RICTOR: variants seen among roughly 807,000 people sequenced by gnomAD.
RICTOR encodes RPTOR independent companion of MTOR complex 2, also known as rapamycin-insensitive companion of mTOR.
Under a neutral mutation model 214.9 loss-of-function variants are expected in RICTOR, and 49 were observed. The ratio of observed to expected loss-of-function variants is 0.23; its 90% CI spans 0.18 to 0.29. The LOEUF (loss-of-function observed/expected upper bound fraction) is 0.29, where lower values mean the gene tolerates loss of function less well. RICTOR is among the 10% of genes least tolerant of loss of function. The pLI, the probability that RICTOR is intolerant of heterozygous loss-of-function variation, is 1.00. For synonymous variants in RICTOR, 717 were observed against 711.3 expected (o/e 1.01, Z -0.13); for missense variants, 1,625 against 2,047.0 (o/e 0.79, Z 3.98).
intron 3 of RICTOR, among the ~76,000 whole-genome samples, chr5:39,012,042 C>A (rs1278342047): frequency 2.6e-5 from 4 of 152,040 alleles, no homozygotes; most frequent in Admixed American, 1.3e-4. Flanking sequence ...GTGTTCCCAC[C>A]CAAATCTCAC....
chr5:39,012,633 T>C (rs1199860356), intron 3 of RICTOR, among the ~76,000 whole-genome samples: 1 of 152,220 alleles, frequency 6.6e-6, no homozygotes, highest in African/African-American at 2.4e-5. Context: ...CCTGTATTAA[T>C]GTAAGTCATT....
At position 38,947,272 on chromosome 5, in the gene RICTOR, T is replaced by C. The variant is rs774828906; in HGVS notation, c.4306A>G (p.Ile1436Val). ...GLALPVDIND[I>V]FQVKDIPYFQ... Reference sequence around the variant, plus strand: ...AAAATGTATGATAATACCTGGAATATATCATTTATATCCACCGGGAGAGCA... The same window carrying C: ...AAAATGTATGATAATACCTGGAATACATCATTTATATCCACCGGGAGAGCA... The change falls in exon 32 of 38, where the codon ATA (isoleucine) becomes GTA (valine). Residue 1436 changes from isoleucine (I) to valine (V), a missense_variant. Transcript: ENST00000357387. 4 of 1,607,004 alleles carry C rather than the reference T, an allele frequency of 2.5e-6. No individual in the cohort carries two copies. The highest frequency in any genetic ancestry group is 1.1e-5 in the South Asian group (1 of 90,720).
chr5:39,056,043 G>A (rs1758184411), intron 2 of RICTOR, among the ~76,000 whole-genome samples: 1 of 152,188 alleles, frequency 6.6e-6, no homozygotes. Context: ...AAGATTTTTA[G>A]AATAATGAGA....
At chr5:39,056,895 C>G (rs1758240716) in intron 2 of RICTOR, among the ~76,000 whole-genome samples, 1 of 152,138 alleles carries the variant, frequency 6.6e-6, no homozygotes, top group Non-Finnish European at 1.5e-5. Context: ...CACAGTGAAT[C>G]AGGAGACAGT....
At chr5:38,951,831 T>C (rs1393250605) in intron 30 of RICTOR, among the ~76,000 whole-genome samples, 2 of 151,946 alleles carry the variant, frequency 1.3e-5, no homozygotes, top group African/African-American at 4.8e-5. Flanking sequence ...ATATTCTGGC[T>C]CAACAATCTC....
intron 2 of RICTOR, among the ~76,000 whole-genome samples, chr5:39,061,171 TAAG>T (rs1160628579): frequency 6.6e-6 from 1 of 152,100 alleles, no homozygotes; most frequent in Non-Finnish European, 1.5e-5. Context: ...GGCCTGTGTA[TAAG>T]AAGAGAAGGG....
intron 6 of RICTOR, among the ~76,000 whole-genome samples, chr5:38,995,870 T>C (rs901688524): frequency 6.6e-6 from 1 of 152,222 alleles, no homozygotes; most frequent in African/African-American, 2.4e-5. Context: ...TCTCCTAATC[T>C]ATTTCCGGTA....
At chr5:39,001,679 T>C (rs1324947551) in intron 5 of RICTOR, among the ~76,000 whole-genome samples, 1 of 151,902 alleles carries the variant, frequency 6.6e-6, no homozygotes, top group Non-Finnish European at 1.5e-5. Flanking sequence ...CATCAAGAAT[T>C]CCTACATAAC....
At position 39,051,414 on chromosome 5, in the gene RICTOR, T is replaced by C. The variant is rs1180237864; in HGVS notation, c.97+22697A>G. ...TAAAAAAAGTTAGACTCAGAAAACTTAACAGCACATCTGGTATTTGCTTGC... is the reference window on the plus strand; with the variant it reads ...TAAAAAAAGTTAGACTCAGAAAACTCAACAGCACATCTGGTATTTGCTTGC... On this transcript the variant is annotated intron_variant, in intron 2 of 37. Coordinates refer to ENST00000357387, the MANE Select transcript of RICTOR (RefSeq NM_152756.5). Among the ~76,000 whole-genome samples, 9 of 152,216 alleles carry C rather than the reference T, an allele frequency of 5.9e-5. No homozygotes were observed. The South Asian group carries it at 1.7e-3, about 28-fold the overall frequency.
intron 9 of RICTOR, among the ~76,000 whole-genome samples, chr5:38,976,782 T>A (rs1290814786): frequency 6.6e-6 from 1 of 152,026 alleles, no homozygotes; most frequent in Non-Finnish European, 1.5e-5. Flanking sequence ...CAGAACCAAA[T>A]AGGAAAGATT....
chr5:39,025,834 A>G (rs1410506500), intron 2 of RICTOR, among the ~76,000 whole-genome samples: 2 of 152,176 alleles, frequency 1.3e-5, no homozygotes, highest in Non-Finnish European at 2.9e-5. Context: ...ATTTTGACAT[A>G]TTAATTTTTG....
Position 38,978,598 on chromosome 5 carries a change from G to T in RICTOR, c.806C>A (p.Ala269Asp). Residue 269 changes from alanine to aspartate, a missense_variant, in exon 9 of 38, where the codon GCT (alanine) becomes GAT (aspartate). By Grantham distance (126) the Ala-to-Asp change is moderately radical. Around this residue, in one of 5 missense-constraint regions of RICTOR, gnomAD observed 258 missense variants for 393.7 expected, o/e 0.66. Transcript: ENST00000357387. The stretch of plus-strand genomic sequence containing the variant: ...TGTTACTTACTTGAGCTGTCCTTCA[G>T]CTGTATCTGGACTATGTCTGTAGTG... ...DFHYRHSPDT[A>D]EGQLKEDREA... 1.3e-6 allele frequency: 2 copies of T among 1,562,280 alleles called. No individual in the cohort carries two copies. The highest frequency in any genetic ancestry group is 1.8e-6 in the Non-Finnish European group (2 of 1,139,508).
At chr5:39,072,739 T>C (rs1759407741) in intron 2 of RICTOR, among the ~76,000 whole-genome samples, 1 of 152,068 alleles carries the variant, frequency 6.6e-6, no homozygotes, top group African/African-American at 2.4e-5. Flanking sequence ...TCAAAACCGA[T>C]CTGCTGAAAA....
At chr5:38,975,291 G>A (rs1751115960) in intron 10 of RICTOR, among the ~76,000 whole-genome samples, 1 of 151,990 alleles carries the variant, frequency 6.6e-6, no homozygotes, top group South Asian at 2.1e-4. Context: ...GTAATCATTA[G>A]CACAGTGACT....
intron 2 of RICTOR, among the ~76,000 whole-genome samples, chr5:39,031,267 G>GCTAA (rs2150151196): frequency 6.6e-6 from 1 of 152,232 alleles, no homozygotes; most frequent in Admixed American, 6.5e-5. Flanking sequence ...AAAAGAAAAG[G>GCTAA]CAGTTAAGCA....
intron 6 of RICTOR, among the ~76,000 whole-genome samples, chr5:38,993,696 G>C (rs975057759): frequency 4.6e-5 from 7 of 151,862 alleles, no homozygotes; most frequent in African/African-American, 1.7e-4. Context: ...CAGTGATATA[G>C]TAATTATAAT....
Position 38,959,286 on chromosome 5 carries a change from T to G in RICTOR, c.2087A>C (p.His696Pro), listed in dbSNP as rs1749580949. The change falls in exon 22 of 38, where the codon CAC (histidine) becomes CCC (proline). Residue 696 changes from histidine to proline, a missense_variant. This residue lies in a region of RICTOR where 1,214 missense variants were observed against 1,470.5 expected (regional missense o/e 0.83). Transcript: ENST00000357387. ...LNLCSLKNQD[H>P]LLKLTVSSLD... ...GCTAGAAACAGTAAGTTTTAGCAAG[T>G]GATCTTGGTTTTTCAAGGAGCAAAG... The G allele has an allele frequency of 6.3e-7, 1 of 1,586,620 alleles. No homozygotes were observed. Among genetic ancestry groups the G allele is most frequent in the African/African-American group, 1.4e-5 (1 of 73,848 alleles).
chr5:38,992,337 C>A (rs1189406994), intron 6 of RICTOR, among the ~76,000 whole-genome samples: 1 of 151,986 alleles, frequency 6.6e-6, no homozygotes, highest in Admixed American at 6.6e-5. Flanking sequence ...CATCTTATGT[C>A]GGTAAGTTCT....
intron 3 of RICTOR, among the ~76,000 whole-genome samples, chr5:39,007,159 T>C (rs919861472): frequency 3.9e-5 from 6 of 152,316 alleles, no homozygotes; most frequent in Admixed American, 3.3e-4. Flanking sequence ...GCACTGTATG[T>C]AGTTTGCTAG....
Sources: allele counts gnomAD v4.1 joint callset (sites outside exome capture counted in the v4.1 genomes callset), GRCh38; gene constraint gnomAD v4.1.1; regional missense constraint gnomAD v4.1.1; transcripts MANE v1.5; gene names NCBI Gene and HGNC (gene_info 2026-07-23, HGNC 2026-07-21).